GALNT14: variants seen among roughly 807,000 people sequenced by gnomAD.
GALNT14 encodes the protein polypeptide N-acetylgalactosaminyltransferase 14.
In GALNT14, 60 loss-of-function variants were observed where a neutral mutation model predicts 77.5. The ratio of observed to expected loss-of-function variants is 0.77; its 90% CI spans 0.63 to 0.96. The LOEUF (loss-of-function observed/expected upper bound fraction) is 0.96. Among genes scored for constraint, GALNT14 ranks in the 40% least tolerant of loss-of-function variants. GALNT14 has a pLI of 0.00. For synonymous variants in GALNT14, 280 were observed against 281.7 expected, an observed-to-expected ratio of 0.99 and a Z score of 0.06; for missense variants, 710 against 731.0, an observed-to-expected ratio of 0.97 and a Z score of 0.33.
At position 31,054,155 on chromosome 2, in the gene GALNT14, G is replaced by A. The variant is rs146406964; in HGVS notation, c.130-61148C>T. ...ACAGTAAAAGTAAACAGGCCACTTC[G>A]AGGAAGTCCAGTGCATGCTTTGATC... On this transcript the variant is annotated intron_variant, in intron 1 of 14. Transcript: ENST00000349752. 5.7e-3 allele frequency among the ~76,000 whole-genome samples: 871 copies of A among 152,308 alleles called. 16 individuals are homozygous for A. The highest frequency in any genetic ancestry group is 5.9e-3 in the Non-Finnish European group (404 of 68,018).
At chr2:31,095,156 G>C (rs1676938644) in intron 1 of GALNT14, among the ~76,000 whole-genome samples, 1 of 152,178 alleles carries the variant, frequency 6.6e-6, no homozygotes, top group South Asian at 2.1e-4. Context: ...CAACAACCCA[G>C]AGAAGACAAC....
chr2:31,017,551 T>A (rs1671453151), intron 1 of GALNT14, among the ~76,000 whole-genome samples: 1 of 152,170 alleles, frequency 6.6e-6, no homozygotes, highest in African/African-American at 2.4e-5. Context: ...CTGGGACCCT[T>A]TGCTCCAAGT....
At chr2:31,042,699 G>A (rs560003908) in intron 1 of GALNT14, among the ~76,000 whole-genome samples, 1 of 152,066 alleles carries the variant, frequency 6.6e-6, no homozygotes, top group African/African-American at 2.4e-5. Context: ...TCAGGAAATC[G>A]CACTGGTTCT....
intron 1 of GALNT14, among the ~76,000 whole-genome samples, chr2:31,078,145 A>G (rs143224055): frequency 1.3e-5 from 2 of 152,214 alleles, no homozygotes; most frequent in African/African-American, 4.8e-5. Flanking sequence ...AGGTTCTGAA[A>G]GGAGCAGGCT....
intron 2 of GALNT14, among the ~76,000 whole-genome samples, chr2:30,983,067 C>T (rs1669084441): frequency 6.6e-6 from 1 of 152,158 alleles, no homozygotes; most frequent in African/African-American, 2.4e-5. Context: ...CCTTTAAAGA[C>T]AGATAATTCA....
At chr2:31,027,314 G>A (rs1672122716) in intron 1 of GALNT14, among the ~76,000 whole-genome samples, 1 of 152,002 alleles carries the variant, frequency 6.6e-6, no homozygotes, top group African/African-American at 2.4e-5. Flanking sequence ...TGCCTTGGGA[G>A]GCTGAGACAG....
intron 1 of GALNT14, among the ~76,000 whole-genome samples, chr2:31,068,561 G>A (rs1244234397): frequency 6.6e-6 from 1 of 151,098 alleles, no homozygotes; most frequent in Non-Finnish European, 1.5e-5. Context: ...AATAGCAAAT[G>A]CATTTTGAAT....
intron 6 of GALNT14, among the ~76,000 whole-genome samples, chr2:30,950,120 CAA>C (rs1032054675): frequency 3.9e-5 from 6 of 152,090 alleles, no homozygotes; most frequent in Non-Finnish European, 5.9e-5. Flanking sequence ...TGTGAGGAAA[CAA>C]GAGAGAAAGG....
At chr2:31,015,297 G>GAAAAA (rs57122032) in intron 1 of GALNT14, among the ~76,000 whole-genome samples, 2 of 121,022 alleles carry the variant, frequency 1.7e-5, no homozygotes, top group Non-Finnish European at 3.5e-5. Context: ...CATCTCAAAG[G>GAAAAA]AAAAAAAAAA....
intron 1 of GALNT14, among the ~76,000 whole-genome samples, chr2:31,035,590 C>A (rs941047539): frequency 2.7e-5 from 2 of 74,020 alleles, no homozygotes; most frequent in Non-Finnish European, 5.4e-5. Flanking sequence ...TGTGTGTATA[C>A]ATATACATAT....
chr2:30,945,750 C>T, intron 7 of GALNT14, 33 bp downstream of exon 7: 1 of 1,549,072 alleles, frequency 6.5e-7, no homozygotes, highest in East Asian at 2.2e-5. Flanking sequence ...AAAAGAAAAT[C>T]CTTACTGGGG....
At chr2:30,899,335 C>A in the GALNT14 span, among the ~76,000 whole-genome samples, 3 of 152,238 alleles carry the variant, frequency 2.0e-5, no homozygotes, top group African/African-American at 7.2e-5. Context: ...AGGGAAGGCT[C>A]CGCTCTGGGA....
chr2:31,033,111 G>T (rs886872573), intron 1 of GALNT14, among the ~76,000 whole-genome samples: 2 of 152,116 alleles, frequency 1.3e-5, no homozygotes, highest in Non-Finnish European at 1.5e-5. Context: ...TGGCTTGAGT[G>T]GGCTGCTTCT....
chr2:31,045,983 T>G (rs921106227), intron 1 of GALNT14, among the ~76,000 whole-genome samples: 19 of 152,244 alleles, frequency 1.2e-4, no homozygotes, highest in African/African-American at 4.6e-4. Flanking sequence ...TGGAATAAAG[T>G]AGAGAAGAGT....
intron 1 of GALNT14, among the ~76,000 whole-genome samples, chr2:31,087,329 T>C (rs1676480333): frequency 6.6e-6 from 1 of 152,186 alleles, no homozygotes; most frequent in Non-Finnish European, 1.5e-5. Context: ...GTGGAAATGT[T>C]GACACAGCTG....
At chr2:31,051,240 T>C (rs1380504304) in intron 1 of GALNT14, among the ~76,000 whole-genome samples, 3 of 152,136 alleles carry the variant, frequency 2.0e-5, no homozygotes, top group Non-Finnish European at 4.4e-5. Context: ...ATGTTATGCA[T>C]CCACCGGGCT....
chr2:31,066,429 G>A (rs939449988), intron 1 of GALNT14, among the ~76,000 whole-genome samples: 14 of 151,698 alleles, frequency 9.2e-5, no homozygotes, highest in African/African-American at 3.4e-4. Flanking sequence ...CGGGGGGGTG[G>A]TGTCCAGCCA....
chr2:30,922,572 C>T (rs1665095369), intron 13 of GALNT14, among the ~76,000 whole-genome samples: 1 of 152,234 alleles, frequency 6.6e-6, no homozygotes, highest in African/African-American at 2.4e-5. Flanking sequence ...TCCTGGGCCA[C>T]CCTTTCTTCC....
chr2:30,897,419 A>T, the GALNT14 span, among the ~76,000 whole-genome samples: 1 of 152,112 alleles, frequency 6.6e-6, no homozygotes, highest in South Asian at 2.1e-4. Context: ...TAGCTCCCAA[A>T]CTGAAAATCA....
Sources: allele counts gnomAD v4.1 joint callset (sites outside exome capture counted in the v4.1 genomes callset), GRCh38; gene constraint gnomAD v4.1.1; transcripts MANE v1.5; gene names NCBI Gene and HGNC (gene_info 2026-07-23, HGNC 2026-07-21).